Variants in RSU1 observed in about 807,000 individuals in gnomAD.
RSU1 encodes the protein rsu-1.
RSU1 carries 26 observed loss-of-function variants against 31.1 expected under a neutral mutation model. The observed-to-expected ratio is 0.84, with a 90% CI of 0.61 to 1.16. The LOEUF is 1.16. RSU1 is among the 50% of genes most tolerant of loss of function. The probability of loss-of-function intolerance (pLI) is 0.00; values close to 1 mark genes in which losing one functional copy is unlikely to be tolerated. For synonymous variants in RSU1, 164 were observed against 136.3 expected, an observed-to-expected ratio of 1.20 and a Z score of -1.41; for missense variants, 320 against 339.1, an observed-to-expected ratio of 0.94 and a Z score of 0.44.
chr10:16,795,376 T>TA (rs1213370842), intron 2 of RSU1, among the ~76,000 whole-genome samples: 2 of 134,800 alleles, frequency 1.5e-5, no homozygotes, highest in African/African-American at 5.8e-5. Flanking sequence ...AAAAAAAAAT[T>TA]AAAAAAAAAT....
At chr10:16,698,811 G>A (rs945394222) in intron 7 of RSU1, among the ~76,000 whole-genome samples, 5 of 152,164 alleles carry the variant, frequency 3.3e-5, no homozygotes, top group African/African-American at 4.8e-5. Flanking sequence ...GGCTATTCAC[G>A]ATCATCTTCA....
At chr10:16,724,602 C>T (rs1297202697) in intron 7 of RSU1, among the ~76,000 whole-genome samples, 4 of 152,138 alleles carry the variant, frequency 2.6e-5, no homozygotes, top group Non-Finnish European at 5.9e-5. Context: ...GCTAACAGCA[C>T]GTGGCAGAAG....
Position 16,817,179 on chromosome 10 carries a change from G to T in RSU1, c.-3-95C>A, listed in dbSNP as rs569455579. The stretch of plus-strand genomic sequence containing the variant: ...CGCTGCCACTCTGAGGCTTCCCCAG[G>T]GTTGGAGCGGGTGGGCGTCCGAGGG... On this transcript the variant is annotated intron_variant, in intron 1 of 8. Transcript: ENST00000345264. 3.3e-6 allele frequency: 3 copies of T among 900,534 alleles called. No individual in the cohort carries two copies. In the East Asian group the frequency reaches 7.3e-5, roughly 22 times the overall value. 55.8% of individuals were successfully genotyped at this position (900,534 alleles called of 1,614,324 possible).
chr10:16,737,950 G>C (rs1466358908), intron 7 of RSU1, among the ~76,000 whole-genome samples: 1 of 152,114 alleles, frequency 6.6e-6, no homozygotes, highest in African/African-American at 2.4e-5. Flanking sequence ...ATTTTGATCA[G>C]GACATAATTT....
chr10:16,807,950 G>C (rs1838310173), intron 2 of RSU1, among the ~76,000 whole-genome samples: 1 of 151,576 alleles, frequency 6.6e-6, no homozygotes, highest in Non-Finnish European at 1.5e-5. Context: ...GTGAACCTGG[G>C]AGGCAGAGCT....
intron 3 of RSU1, among the ~76,000 whole-genome samples, chr10:16,768,271 G>T (rs1350116827): frequency 6.6e-6 from 1 of 152,094 alleles, no homozygotes; most frequent in Non-Finnish European, 1.5e-5. Context: ...CATTTCCAAG[G>T]TCTCTTCCAC....
chr10:16,799,527 A>C (rs200435575), intron 2 of RSU1, among the ~76,000 whole-genome samples: 394 of 138,246 alleles, frequency 2.8e-3, no homozygotes, highest in Non-Finnish European at 4.8e-3. Context: ...ACAACAACAA[A>C]AACAACAACA....
intron 8 of RSU1, among the ~76,000 whole-genome samples, chr10:16,683,317 CTCAATGCCGTT>C (rs1456079492): frequency 2.6e-5 from 4 of 152,128 alleles, no homozygotes; most frequent in Non-Finnish European, 2.9e-5. Context: ...TCATAAACAA[CTCAATGCCGTT>C]TCTGGGCATT....
intron 2 of RSU1, among the ~76,000 whole-genome samples, chr10:16,801,955 T>C (rs1838164785): frequency 6.6e-6 from 1 of 151,978 alleles, no homozygotes; most frequent in African/African-American, 2.4e-5. Context: ...GCAAAAGTAA[T>C]GGCAAAACGG....
At chr10:16,746,951 C>T (rs746701942) in intron 7 of RSU1, among the ~76,000 whole-genome samples, 2 of 152,108 alleles carry the variant, frequency 1.3e-5, no homozygotes, top group Admixed American at 6.6e-5. Context: ...ATGTGCATTC[C>T]ACTGTCCTGT....
At chr10:16,755,094 T>G (rs1837057167) in intron 4 of RSU1, 105 bp from the exon 5 acceptor site, 1 of 655,478 alleles carries the variant, frequency 1.5e-6, no homozygotes, top group South Asian at 2.0e-5. Context: ...GACAGTGCCA[T>G]GATCCTAGAG....
intron 3 of RSU1, among the ~76,000 whole-genome samples, chr10:16,769,850 G>C (rs1837387741): frequency 6.6e-6 from 1 of 152,220 alleles, no homozygotes; most frequent in Non-Finnish European, 1.5e-5. Context: ...ACTCTAGGTA[G>C]CTTAACACGT....
intron 7 of RSU1, among the ~76,000 whole-genome samples, chr10:16,734,898 C>T (rs916483421): frequency 6.6e-6 from 1 of 152,162 alleles, no homozygotes. Flanking sequence ...TGACTGTTGT[C>T]CTTACAAGAA....
chr10:16,673,358 T>A (rs1312470185), intron 8 of RSU1, among the ~76,000 whole-genome samples: 1 of 152,238 alleles, frequency 6.6e-6, no homozygotes, highest in Non-Finnish European at 1.5e-5. Flanking sequence ...TACAAATTTT[T>A]CTTTTTACTG....
In RSU1 at chr10:16,817,318, G is replaced by A. The variant is rs11539865; in HGVS notation, c.-7C>T. On this transcript the variant is annotated 5_prime_UTR_variant, in exon 1 of 9. Transcript: ENST00000345264. ...GTGCAACACCGCACACACTCACCAC[G>A]GAAGGTAGCCCCTAAGACGATGGGC... 1.3e-4 allele frequency: 65 copies of A among 519,454 alleles called. No homozygotes were observed. Among genetic ancestry groups the A allele is most frequent in the Non-Finnish European group, 2.8e-5 (8 of 288,714 alleles). 32.2% of individuals were successfully genotyped at this position (519,454 alleles called of 1,614,324 possible).
chr10:16,693,935 G>C (rs1016628244), intron 8 of RSU1, among the ~76,000 whole-genome samples: 1 of 152,144 alleles, frequency 6.6e-6, no homozygotes, highest in African/African-American at 2.4e-5. Context: ...GATTACATTT[G>C]AGTAGGGATG....
intron 1 of RSU1, 54 bp downstream of exon 1, chr10:16,817,261 C>T: frequency 2.2e-6 from 1 of 456,592 alleles, no homozygotes; most frequent in East Asian, 4.5e-5. Context: ...GGTTCAGCCC[C>T]GCTGCGGCCA....
intron 4 of RSU1, among the ~76,000 whole-genome samples, chr10:16,762,180 C>T (rs1837222357): frequency 6.6e-6 from 1 of 152,090 alleles, no homozygotes; most frequent in South Asian, 2.1e-4. Context: ...TAGTCACTTA[C>T]ATAGTCATGG....
chr10:16,636,920 G>C (rs1307619702), intron 8 of RSU1, among the ~76,000 whole-genome samples: 1 of 152,088 alleles, frequency 6.6e-6, no homozygotes, highest in Admixed American at 6.5e-5. Context: ...TTCACTGTTT[G>C]TCTCCCCACT....
Sources: gnomAD v4.1 joint callset for allele counts (sites outside exome capture counted in the v4.1 genomes callset) on GRCh38, gnomAD v4.1.1 for gene constraint, MANE v1.5 for transcripts, NCBI Gene and HGNC (gene_info 2026-07-23, HGNC 2026-07-21) for gene names.